NAPEPLD: variants seen among roughly 807,000 people sequenced by gnomAD.
NAPEPLD encodes N-acyl-phosphatidylethanolamine-hydrolyzing phospholipase D.
NAPEPLD carries 23 observed loss-of-function variants against 38.1 expected under a neutral mutation model. The ratio of observed to expected loss-of-function variants is 0.60; its 90% CI spans 0.43 to 0.86. NAPEPLD has a LOEUF of 0.86. Ranked by LOEUF, NAPEPLD falls within the 40% of genes least tolerant of loss-of-function variation. The pLI is 0.00. For missense variants in NAPEPLD, 411 were observed against 476.8 expected (o/e 0.86, Z 1.28); for synonymous variants, 147 against 162.0 (o/e 0.91, Z 0.71).
At chr7:103,140,384 AC>A (rs1195966456) in intron 1 of NAPEPLD, among the ~76,000 whole-genome samples, 4 of 114,718 alleles carry the variant, frequency 3.5e-5, no homozygotes, top group Non-Finnish European at 3.5e-5. Flanking sequence ...AATTCACAGA[AC>A]TCTTTTTTTT....
rs1265053270 is a variant in NAPEPLD at position 103,102,883 on chromosome 7, A to G, written c.*546T>C. 1 of 152,664 alleles carries G rather than the reference A, an allele frequency of 6.6e-6. No individual in the cohort carries two copies. Among genetic ancestry groups the G allele is most frequent in the African/African-American group, 2.4e-5 (1 of 41,462 alleles). 9.5% of individuals were successfully genotyped at this position (152,664 alleles called of 1,614,324 possible). Reference sequence around the variant, plus strand: ...GTTTTTATGCTTACCTAAATAAACCATATTTAATATTTGGCATATAAGCTA... The same window carrying G: ...GTTTTTATGCTTACCTAAATAAACCGTATTTAATATTTGGCATATAAGCTA... On this transcript the variant is annotated 3_prime_UTR_variant, in exon 5 of 5. Transcript: ENST00000465647.
chr7:103,141,786 G>C (rs1467426090), intron 1 of NAPEPLD: 3 of 870,262 alleles, frequency 3.4e-6, no homozygotes, highest in Middle Eastern at 2.2e-4. Flanking sequence ...ACAGGCTTGC[G>C]GATGATCAGC....
chr7:103,126,017 A>C (rs1440993498), intron 2 of NAPEPLD, among the ~76,000 whole-genome samples: 3 of 152,180 alleles, frequency 2.0e-5, no homozygotes, highest in African/African-American at 7.2e-5. Flanking sequence ...TTGTTTAATT[A>C]ATCTTCTCTG....
rs1802366336 is a variant in NAPEPLD, at chr7:103,101,325, T to C, written c.*2104A>G. On this transcript the variant is annotated 3_prime_UTR_variant, in exon 5 of 5. Coordinates refer to ENST00000465647, the MANE Select transcript of NAPEPLD (RefSeq NM_001122838.3). ...AAATCACATATGTTCGCATACATCA[T>C]ATACACACACATTGCATACACATTT... is the stretch of plus-strand genomic sequence containing the variant. 1 of 152,162 alleles carries C rather than the reference T, an allele frequency of 6.6e-6. No individual in the cohort carries two copies. The highest frequency in any genetic ancestry group is 2.4e-5 in the African/African-American group (1 of 41,432). 9.4% of individuals were successfully genotyped at this position (152,162 alleles called of 1,614,324 possible).
chr7:103,141,039 C>A (rs1478869418), intron 1 of NAPEPLD, among the ~76,000 whole-genome samples: 3 of 152,022 alleles, frequency 2.0e-5, no homozygotes, highest in Admixed American at 2.0e-4. Context: ...AGTATTCTTG[C>A]CTCTCTTACC....
chr7:103,119,266 A>C lies in NAPEPLD; in HGVS notation c.941+311T>G, dbSNP rs1806142063. Among the ~76,000 whole-genome samples the C allele has an allele frequency of 3.3e-5, 5 of 152,222 alleles. 1 individual carries two copies. The South Asian group carries it at 1.0e-3, about 32-fold the overall frequency. ...ATTAAAATATTTTAATTCTCACCAC[A>C]AAAACATAAGTATGTGAGATAATGC... On this transcript the variant is annotated intron_variant, in intron 3 of 4. Coordinates refer to ENST00000465647, the MANE Select transcript of NAPEPLD (RefSeq NM_001122838.3).
chr7:103,136,454 G>A (rs1178476982), intron 1 of NAPEPLD, among the ~76,000 whole-genome samples: 2 of 151,348 alleles, frequency 1.3e-5, no homozygotes, highest in East Asian at 1.9e-4. Context: ...GTGTATGGCA[G>A]CCCGAACCTG....
At chr7:103,111,160 A>G (rs1159931938) in intron 4 of NAPEPLD, among the ~76,000 whole-genome samples, 3 of 152,224 alleles carry the variant, frequency 2.0e-5, no homozygotes, top group Non-Finnish European at 4.4e-5. Flanking sequence ...GGAAGAATCA[A>G]TATTGTGAAA....
At position 103,100,875 on chromosome 7, in the gene NAPEPLD, T is replaced by C. The variant is rs1230136537; in HGVS notation, c.*2554A>G. The stretch of plus-strand genomic sequence containing the variant: ...GAAGCTTGATGTTCTTAATGAATAG[T>C]GTCAGTGTAGAAAGAACATGAGTGG... On this transcript the variant is annotated 3_prime_UTR_variant, in exon 5 of 5. Coordinates refer to ENST00000465647, the MANE Select transcript of NAPEPLD (RefSeq NM_001122838.3). The C allele has an allele frequency of 2.0e-5, 3 of 152,220 alleles. No individual in the cohort carries two copies. Among genetic ancestry groups the C allele is most frequent in the African/African-American group, 7.2e-5 (3 of 41,454 alleles). 9.4% of individuals were successfully genotyped at this position (152,220 alleles called of 1,614,324 possible).
In NAPEPLD at chr7:103,120,165, G is replaced by T. The variant is rs1269891291; in HGVS notation, c.353C>A (p.Ala118Asp). 1.2e-6 allele frequency: 2 copies of T among 1,614,134 alleles called. No individual in the cohort carries two copies. Among genetic ancestry groups the T allele is most frequent in the Non-Finnish European group, 1.7e-6 (2 of 1,180,030 alleles). ...TCTTAAGCCAGCTTCCCTCACTCCAGCTTCTTCAGGGTTAGTGATAAAATA... is the reference window on the plus strand; with the variant it reads ...TCTTAAGCCAGCTTCCCTCACTCCATCTTCTTCAGGGTTAGTGATAAAATA... ...KPYFITNPEE[A>D]GVREAGLRVT... Residue 118 changes from alanine to aspartate, a missense_variant, in exon 3 of 5, where the codon GCT (alanine) becomes GAT (aspartate). By Grantham distance (126) the Ala-to-Asp change is moderately radical. Coordinates refer to ENST00000465647, the MANE Select transcript of NAPEPLD (RefSeq NM_001122838.3).
chr7:103,112,234 G>C (rs572970451), intron 4 of NAPEPLD, among the ~76,000 whole-genome samples: 17 of 152,090 alleles, frequency 1.1e-4, no homozygotes, highest in Non-Finnish European at 2.4e-4. Context: ...ACCATTTGAC[G>C]CAGCAATCCC....
At chr7:103,106,582 T>G (rs1171699589) in intron 4 of NAPEPLD, among the ~76,000 whole-genome samples, 1 of 152,078 alleles carries the variant, frequency 6.6e-6, no homozygotes, top group East Asian at 1.9e-4. Flanking sequence ...CGTCCGCCAC[T>G]GCTGAAGCTT....
At chr7:103,126,603 T>TG (rs950052807) in intron 2 of NAPEPLD, among the ~76,000 whole-genome samples, 210 of 150,250 alleles carry the variant, frequency 1.4e-3, no homozygotes, top group African/African-American at 4.7e-3. Context: ...AATGCAATTT[T>TG]TTTTGTTTTG....
At chr7:103,113,473 A>G (rs1804931162) in intron 4 of NAPEPLD, among the ~76,000 whole-genome samples, 1 of 152,120 alleles carries the variant, frequency 6.6e-6, no homozygotes, top group Admixed American at 6.5e-5. Flanking sequence ...AGTGAGACAG[A>G]GGAGTAACTA....
At chr7:103,129,523 CAAGT>C (rs1452073865) in intron 1 of NAPEPLD, among the ~76,000 whole-genome samples, 1 of 152,108 alleles carries the variant, frequency 6.6e-6, no homozygotes, top group Non-Finnish European at 1.5e-5. Flanking sequence ...GTAATTCAAG[CAAGT>C]CGAATATATA....
chr7:103,136,670 A>G (rs1388112044), intron 1 of NAPEPLD, among the ~76,000 whole-genome samples: 1 of 151,804 alleles, frequency 6.6e-6, no homozygotes, highest in African/African-American at 2.4e-5. Flanking sequence ...GTTGTTTTTC[A>G]GGTGAAAGAT....
intron 4 of NAPEPLD, among the ~76,000 whole-genome samples, chr7:103,111,918 A>G (rs189986117): frequency 7.2e-5 from 11 of 152,104 alleles, no homozygotes; most frequent in Admixed American, 7.2e-4. Flanking sequence ...AAAAAAACAA[A>G]CAACCCCATC....
chr7:103,119,652 G>A lies in NAPEPLD; in HGVS notation c.866C>T (p.Pro289Leu). ...FFFAGDTGYC[P>L]AFEEIGKRFG... The stretch of plus-strand genomic sequence containing the variant: ...TCTTTTTCCTATCTCTTCAAAAGCA[G>A]GGCAATAACCAGTATCTCCTGCGAA... The change falls in exon 3 of 5, where the codon CCT becomes CTT. Residue 289 changes from proline to leucine, a missense_variant. Transcript: ENST00000465647. 6.2e-7 allele frequency: 1 copy of A among 1,614,120 alleles called. No homozygotes were observed. The highest frequency in any genetic ancestry group is 8.5e-7 in the Non-Finnish European group (1 of 1,180,026).
At chr7:103,129,410 T>A in intron 1 of NAPEPLD, 2 of 598,452 alleles carry the variant, frequency 3.3e-6, no homozygotes, top group Non-Finnish European at 4.2e-6. Flanking sequence ...TGGAATAAAT[T>A]AAGGCACCTT....
Sources: gnomAD v4.1 joint callset for allele counts (sites outside exome capture counted in the v4.1 genomes callset) on GRCh38, gnomAD v4.1.1 for gene constraint, MANE v1.5 for transcripts, NCBI Gene and HGNC (gene_info 2026-07-23, HGNC 2026-07-21) for gene names.